The following FXYD3 variants were observed in gnomAD, a reference collection of about 807,000 sequenced individuals.
The protein encoded by FXYD3 is FXYD domain-containing ion transport regulator 3.
A neutral mutation model predicts 19.2 loss-of-function variants in FXYD3; 13 were observed. The observed-to-expected ratio is 0.68, with a 90% CI of 0.44 to 1.08. The LOEUF is 1.08. FXYD3 is among the 50% of genes least tolerant of loss of function. FXYD3 has a pLI of 0.00. For missense variants in FXYD3, 101 were observed against 109.4 expected (o/e 0.92, Z 0.34); for synonymous variants, 48 against 38.9 (o/e 1.23, Z -0.87).
intron 5 of FXYD3, 177 bp from the exon 6 acceptor site, chr19:35,122,588 C>A: frequency 1.6e-6 from 1 of 611,710 alleles, no homozygotes; most frequent in Non-Finnish European, 2.9e-6. Context: ...CACGACAGAT[C>A]GTGTTTGCTG....
intron 2 of FXYD3, chr19:35,116,615 T>G (rs1688024): frequency 0.99 from 976,628 of 985,252 alleles, 484,333 homozygotes; most frequent in Non-Finnish European, 1. Context: ...TTGGGGTGTC[T>G]GAAAGACTAG....
chr19:35,116,292 A>G lies in FXYD3; in HGVS notation c.-82A>G, dbSNP rs1357845175. On this transcript the variant is annotated 5_prime_UTR_variant, in exon 2 of 9. In the 5' UTR this introduces an upstream ATG that the reference lacks. Coordinates refer to ENST00000604404, the MANE Select transcript of FXYD3 (RefSeq NM_005971.4). Reference sequence around the variant, plus strand: ...TGCTTAGGGCGTGGCAGCTTCGGATAAACGCAGGACTCCGCCTGGCAGCCC... The same window carrying G: ...TGCTTAGGGCGTGGCAGCTTCGGATGAACGCAGGACTCCGCCTGGCAGCCC... 1 of 985,356 alleles carries G rather than the reference A, an allele frequency of 1.0e-6. No individual in the cohort carries two copies. The highest frequency in any genetic ancestry group is 1.2e-6 in the Non-Finnish European group (1 of 829,988). The allele number at this position is 985,356 out of a possible 1,614,324, so 61.0% of individuals were successfully genotyped here.
intron 2 of FXYD3, chr19:35,119,087 C>A: frequency 3.1e-6 from 3 of 982,164 alleles, no homozygotes; most frequent in South Asian, 1.4e-5. Context: ...CGGGCAGTGG[C>A]GCCCTTGTTT....
intron 2 of FXYD3, 192 bp downstream of exon 2, chr19:35,116,551 C>T (rs1217799221): frequency 1.1e-5 from 11 of 985,292 alleles, no homozygotes; most frequent in Non-Finnish European, 1.3e-5. Context: ...CCACCATTCT[C>T]CTCTCAGGGA....
chr19:35,121,740 C>T (rs2065048537), intron 5 of FXYD3: 1 of 181,840 alleles, frequency 5.5e-6, no homozygotes. Context: ...CTTCCTTCCA[C>T]AGAACCACAT....
At position 35,122,969 on chromosome 19, in the gene FXYD3, C is replaced by A. The variant is rs371877883; in HGVS notation, c.209+15C>A. 2 of 1,567,892 alleles carry A rather than the reference C, an allele frequency of 1.3e-6. No homozygotes were observed. The highest frequency in any genetic ancestry group is 1.7e-6 in the Non-Finnish European group (2 of 1,155,790). On this transcript the variant is annotated intron_variant, in intron 7 of 8. Coordinates refer to ENST00000604404, the MANE Select transcript of FXYD3 (RefSeq NM_005971.4). ...CAGAAGTCCGGGTAAGATACTGTTC[C>A]GGCATGCCCGCCTCAGGCTGACTGG...
chr19:35,122,650 G>A lies in FXYD3; in HGVS notation c.98-115G>A, dbSNP rs192060266. 507 of 788,026 alleles carry A rather than the reference G, an allele frequency of 6.4e-4. No homozygotes were observed. Among genetic ancestry groups the A allele is most frequent in the Non-Finnish European group, 9.6e-4 (455 of 472,414 alleles). 48.8% of individuals were successfully genotyped at this position (788,026 alleles called of 1,614,324 possible). ...GGGATTTTGTCTGTTTTCTTATGGC[G>A]GTGTCCCCAGCACCCTGTGCATCCT... On this transcript the variant is annotated intron_variant, in intron 5 of 8. Coordinates refer to ENST00000604404, the MANE Select transcript of FXYD3 (RefSeq NM_005971.4).
In FXYD3 at chr19:35,119,125, G is replaced by A. The variant is rs2064972645; in HGVS notation, c.-14-238G>A. The A allele has an allele frequency of 8.5e-6, 12 of 1,412,660 alleles. No homozygotes were observed. The East Asian group carries it at 3.0e-4, about 35-fold the overall frequency. 87.5% of individuals were successfully genotyped at this position (1,412,660 alleles called of 1,614,324 possible). A position where few individuals can be genotyped will look rare whatever the true frequency, so the allele number is the denominator to read the frequency against. Reference sequence around the variant, plus strand: ...TTGCGGGGCGATTCCCAGAAAGCCTGAAGTCCATGTCCAGTGAGTTATTAT... The same window carrying A: ...TTGCGGGGCGATTCCCAGAAAGCCTAAAGTCCATGTCCAGTGAGTTATTAT... On this transcript the variant is annotated intron_variant, in intron 2 of 8. Coordinates refer to ENST00000604404, the MANE Select transcript of FXYD3 (RefSeq NM_005971.4).
At chr19:35,121,894 A>T (rs1049875276) in intron 5 of FXYD3, 1 of 153,660 alleles carries the variant, frequency 6.5e-6, no homozygotes, top group African/African-American at 2.4e-5. Context: ...GCTGTGGTGT[A>T]ATCATAGCTC....
At chr19:35,118,633 A>C in intron 2 of FXYD3, 1 of 952,102 alleles carries the variant, frequency 1.1e-6, no homozygotes, top group Non-Finnish European at 1.3e-6. Context: ...GACCCCGGCT[A>C]GGCAGAGCCA....
rs2065101651 is a variant in FXYD3 at position 35,123,677 on chromosome 19, T to C, written c.*220T>C. 1.7e-6 allele frequency: 1 copy of C among 596,372 alleles called. No homozygotes were observed. The allele number at this position is 596,372 out of a possible 1,614,324, so 36.9% of individuals were successfully genotyped here. A position where few individuals can be genotyped will look rare whatever the true frequency, so the allele number is the denominator to read the frequency against. On this transcript the variant is annotated 3_prime_UTR_variant, in exon 9 of 9. Transcript: ENST00000604404. ...GCCCAAGCAGCCTGGAGACTTCCTA[T>C]GTGTGCATTGGGGTGGGGCTTGGGG... is the stretch of plus-strand genomic sequence containing the variant.
intron 3 of FXYD3, among the ~76,000 whole-genome samples, chr19:35,120,724 G>C (rs779232867): frequency 6.6e-6 from 1 of 152,200 alleles, no homozygotes; most frequent in Non-Finnish European, 1.5e-5. Context: ...GGGGAAACAG[G>C]AATCTGGGAA....
At chr19:35,119,142 A>T in intron 2 of FXYD3, 1 of 1,516,220 alleles carries the variant, frequency 6.6e-7, no homozygotes, top group South Asian at 1.2e-5. Flanking sequence ...ATGTCCAGTG[A>T]GTTATTATGG....
intron 2 of FXYD3, chr19:35,118,367 A>G (rs2064950592): frequency 1.5e-6 from 1 of 686,766 alleles, no homozygotes. Flanking sequence ...AAAAAAAAAA[A>G]AAAAAAAACA....
chr19:35,118,887 C>T (rs978434649), intron 2 of FXYD3, among the ~76,000 whole-genome samples: 17 of 152,224 alleles, frequency 1.1e-4, no homozygotes, highest in African/African-American at 4.1e-4. Context: ...GGAGACACTC[C>T]TGGGAAGCGG....
At chr19:35,118,342 T>G (rs1438768191) in intron 2 of FXYD3, 14 of 409,996 alleles carry the variant, frequency 3.4e-5, no homozygotes, top group African/African-American at 2.9e-5. Context: ...GGTGACAGAG[T>G]GAAACTCCGC....
At chr19:35,117,223 C>T in intron 2 of FXYD3, 5 of 1,446,318 alleles carry the variant, frequency 3.5e-6, no homozygotes, top group Non-Finnish European at 3.6e-6. Flanking sequence ...TCCCTGCAGC[C>T]TCCGGAAGCA....
intron 5 of FXYD3, chr19:35,121,648 C>T (rs969661484): frequency 1.5e-6 from 1 of 684,192 alleles, no homozygotes; most frequent in South Asian, 3.3e-5. Flanking sequence ...CTCCTCATTC[C>T]TTCTGCTCCA....
intron 5 of FXYD3, chr19:35,121,633 C>G (rs1475778014): frequency 6.7e-6 from 6 of 899,076 alleles, no homozygotes; most frequent in Non-Finnish European, 8.9e-6. Flanking sequence ...CCTCACCTCT[C>G]CACGCTCCTC....
Sources: gnomAD v4.1 joint callset for allele counts (sites outside exome capture counted in the v4.1 genomes callset) on GRCh38, gnomAD v4.1.1 for gene constraint, MANE v1.5 for transcripts, NCBI Gene and HGNC (gene_info 2026-07-23, HGNC 2026-07-21) for gene names.